Variants in THSD7B observed in about 807,000 individuals in gnomAD.
The protein encoded by THSD7B is thrombospondin type 1 domain containing 7B.
Under a neutral mutation model 213.6 loss-of-function variants are expected in THSD7B, and 138 were observed. The ratio of observed to expected loss-of-function variants is 0.65; its 90% CI spans 0.56 to 0.74. The LOEUF (loss-of-function observed/expected upper bound fraction) is 0.74, where lower values mean the gene tolerates loss of function less well. Among genes scored for constraint, THSD7B ranks in the 30% least tolerant of loss-of-function variants. The probability of loss-of-function intolerance (pLI) is 0.00; values close to 1 mark genes in which losing one functional copy is unlikely to be tolerated. For synonymous variants in THSD7B, 742 were observed against 687.0 expected (o/e 1.08, Z -1.25); for missense variants, 1,931 against 1,991.5 (o/e 0.97, Z 0.58).
At chr2:137,451,067 C>T (rs921162170) in intron 15 of THSD7B, 44 bp downstream of exon 15, 10 of 1,457,448 alleles carry the variant, frequency 6.9e-6, no homozygotes, top group Non-Finnish European at 7.3e-6. Context: ...AAAAGCTATC[C>T]TCATTATTAT....
intron 6 of THSD7B, 34 bp from the exon 7 acceptor site, chr2:137,170,707 A>G: frequency 6.3e-7 from 1 of 1,594,138 alleles, no homozygotes; most frequent in African/African-American, 1.3e-5. Context: ...AAAAGAGTGG[A>G]ATTCTCTGAA....
chr2:137,466,338 G>C (rs1329922256), intron 15 of THSD7B, among the ~76,000 whole-genome samples: 1 of 152,134 alleles, frequency 6.6e-6, no homozygotes, highest in Non-Finnish European at 1.5e-5. Flanking sequence ...TGGCATTCCA[G>C]TTTTGAGTGG....
At chr2:137,124,111 T>C (rs1688591752) in intron 5 of THSD7B, among the ~76,000 whole-genome samples, 1 of 152,224 alleles carries the variant, frequency 6.6e-6, no homozygotes, top group Non-Finnish European at 1.5e-5. Context: ...GTTCTTTTTC[T>C]GAGAGTAGAA....
intron 12 of THSD7B, among the ~76,000 whole-genome samples, chr2:137,395,978 T>C (rs1352772105): frequency 1.3e-5 from 2 of 152,210 alleles, no homozygotes; most frequent in Non-Finnish European, 2.9e-5. Context: ...TCTCTGATGG[T>C]AGTTTGTATT....
At chr2:137,599,331 C>A (rs1197754159) in intron 17 of THSD7B, among the ~76,000 whole-genome samples, 1 of 151,678 alleles carries the variant, frequency 6.6e-6, no homozygotes, top group Non-Finnish European at 1.5e-5. Context: ...GTGAATAATG[C>A]CACAGACACT....
intron 2 of THSD7B, among the ~76,000 whole-genome samples, chr2:136,884,233 AG>A (rs1361350974): frequency 6.6e-6 from 1 of 152,218 alleles, no homozygotes; most frequent in East Asian, 1.9e-4. Flanking sequence ...TTACAAAAGT[AG>A]GCAAGTGTGA....
At chr2:137,057,801 C>A (rs569098322) in intron 3 of THSD7B, among the ~76,000 whole-genome samples, 1 of 152,198 alleles carries the variant, frequency 6.6e-6, no homozygotes, top group Admixed American at 6.5e-5. Context: ...TATTAACTTG[C>A]GCAAGCAGTA....
chr2:137,220,967 G>C (rs1223916965), intron 7 of THSD7B, among the ~76,000 whole-genome samples: 2 of 152,124 alleles, frequency 1.3e-5, no homozygotes, highest in Non-Finnish European at 2.9e-5. Context: ...ATGACATTCT[G>C]GGGGAGGAGG....
At chr2:136,860,757 G>A (rs1683246013) in intron 1 of THSD7B, among the ~76,000 whole-genome samples, 1 of 152,304 alleles carries the variant, frequency 6.6e-6, no homozygotes, top group East Asian at 1.9e-4. Flanking sequence ...CTGCTAAAAT[G>A]TAAGTCACAT....
intron 12 of THSD7B, among the ~76,000 whole-genome samples, chr2:137,380,595 G>A (rs554253504): frequency 6.6e-6 from 1 of 152,336 alleles, no homozygotes; most frequent in Admixed American, 6.5e-5. Flanking sequence ...GAGGGAGGAA[G>A]GGGTTATGTG....
intron 15 of THSD7B, among the ~76,000 whole-genome samples, chr2:137,451,842 A>G (rs1687657854): frequency 6.6e-6 from 1 of 152,088 alleles, no homozygotes; most frequent in Admixed American, 6.5e-5. Context: ...ATTTTTAGAC[A>G]GGTGAAGTGT....
chr2:137,537,055 G>A lies in THSD7B; in HGVS notation c.3139-26166G>A, dbSNP rs935828071. On this transcript the variant is annotated intron_variant, in intron 15 of 27. Coordinates refer to ENST00000409968, the MANE Select transcript of THSD7B (RefSeq NM_001316349.2). Reference sequence around the variant, plus strand: ...CTCTGTTCTGGACAAACCAAAATGCGTGGGTTGTCTATACAAAAAAAAGAG... The same window carrying A: ...CTCTGTTCTGGACAAACCAAAATGCATGGGTTGTCTATACAAAAAAAAGAG... Among the ~76,000 whole-genome samples the A allele has an allele frequency of 2.6e-5, 4 of 151,758 alleles. No individual in the cohort carries two copies. In the South Asian group the frequency reaches 6.2e-4, roughly 24 times the overall value.
intron 3 of THSD7B, 43 bp from the exon 4 acceptor site, chr2:137,094,830 C>T: frequency 6.3e-7 from 1 of 1,586,408 alleles, no homozygotes; most frequent in East Asian, 2.3e-5. Flanking sequence ...TAGTTGCATC[C>T]ATTAATATAT....
chr2:137,170,926 C>A lies in THSD7B; in HGVS notation c.1711C>A (p.Gln571Lys). ...LGHRILKAVC[Q>K]NDRGEDVSGS... ...ACATCGTATTCTGAAGGCCGTCTGCCAGAATGACCGCGGTATGACCCAGTG... is the reference window on the plus strand; with the variant it reads ...ACATCGTATTCTGAAGGCCGTCTGCAAGAATGACCGCGGTATGACCCAGTG... Residue 571 changes from glutamine (Q) to lysine (K), a missense_variant, in exon 7 of 28, where the codon CAG becomes AAG. By Grantham distance (53) the Gln-to-Lys change is moderately conservative. Transcript: ENST00000409968. The A allele has an allele frequency of 6.2e-7, 1 of 1,612,466 alleles. No homozygotes were observed. The highest frequency in any genetic ancestry group is 8.5e-7 in the Non-Finnish European group (1 of 1,179,686).
intron 2 of THSD7B, among the ~76,000 whole-genome samples, chr2:136,979,869 G>A (rs1224575833): frequency 1.3e-5 from 2 of 151,994 alleles, no homozygotes; most frequent in African/African-American, 4.8e-5. Context: ...TTTTCAGCGT[G>A]TTTGCATTGA....
intron 12 of THSD7B, among the ~76,000 whole-genome samples, chr2:137,393,536 A>G (rs1483354808): frequency 2.0e-5 from 3 of 148,778 alleles, no homozygotes; most frequent in South Asian, 2.2e-4. Flanking sequence ...TATATGTGCC[A>G]CATTTTCTTA....
intron 12 of THSD7B, among the ~76,000 whole-genome samples, chr2:137,315,556 A>C (rs1684076111): frequency 6.6e-6 from 1 of 152,090 alleles, no homozygotes; most frequent in South Asian, 2.1e-4. Context: ...ATATAATTTT[A>C]AAACGTTTTT....
At chr2:137,453,880 G>T (rs533170137) in intron 15 of THSD7B, among the ~76,000 whole-genome samples, 2 of 152,104 alleles carry the variant, frequency 1.3e-5, no homozygotes, top group South Asian at 4.2e-4. Context: ...TTTTGTGCCT[G>T]GATTATTTCA....
intron 1 of THSD7B, among the ~76,000 whole-genome samples, chr2:136,871,327 A>G (rs1325104428): frequency 1.3e-5 from 2 of 152,208 alleles, no homozygotes; most frequent in African/African-American, 4.8e-5. Flanking sequence ...GGACTAAGTC[A>G]GATCACCTGG....
Sources: allele counts gnomAD v4.1 joint callset (sites outside exome capture counted in the v4.1 genomes callset), GRCh38; gene constraint gnomAD v4.1.1; transcripts MANE v1.5; gene names NCBI Gene and HGNC (gene_info 2026-07-23, HGNC 2026-07-21).